The following ZDHHC3 variants were observed in gnomAD, a reference collection of about 807,000 sequenced individuals.
ZDHHC3 encodes the protein zDHHC palmitoyltransferase 3.
In ZDHHC3, 9 loss-of-function variants were observed where a neutral mutation model predicts 30.6. The observed-to-expected ratio is 0.29, with a 90% CI of 0.18 to 0.51. The LOEUF is 0.51. Ranked by LOEUF, ZDHHC3 falls within the 20% of genes least tolerant of loss-of-function variation. The probability of loss-of-function intolerance (pLI) is 0.97; values close to 1 mark genes in which losing one functional copy is unlikely to be tolerated. For synonymous variants in ZDHHC3, 136 were observed against 140.2 expected (o/e 0.97, Z 0.21); for missense variants, 246 against 384.2 (o/e 0.64, Z 3.01).
At chr3:44,929,574 C>G in intron 5 of ZDHHC3, 138 bp from the exon 6 acceptor site, 1 of 1,188,452 alleles carries the variant, frequency 8.4e-7, no homozygotes, top group East Asian at 2.6e-5. Flanking sequence ...CTCTGGCCTC[C>G]AGGCTACGGT....
At chr3:44,948,218 G>A (rs992161164) in intron 2 of ZDHHC3, among the ~76,000 whole-genome samples, 7 of 152,164 alleles carry the variant, frequency 4.6e-5, no homozygotes, top group African/African-American at 1.7e-4. Flanking sequence ...GAGCACCCTG[G>A]TCTCCCCAGA....
rs867823746 is a variant in ZDHHC3, at chr3:44,976,144, C to T, written c.-236G>A. The T allele has an allele frequency of 2.9e-6, 2 of 685,342 alleles. No homozygotes were observed. The highest frequency in any genetic ancestry group is 4.2e-6 in the Non-Finnish European group (2 of 472,654). 42.5% of individuals were successfully genotyped at this position (685,342 alleles called of 1,614,324 possible). ...GAGCTCTCCCGGCAGTGGCGGCGGC[C>T]GCGGCTGCAGGAGCGGCCGCCGCGC... On this transcript the variant is annotated 5_prime_UTR_variant, in exon 1 of 7. Coordinates refer to ENST00000424952, the MANE Select transcript of ZDHHC3 (RefSeq NM_001135179.2).
rs1700869511 is a variant in ZDHHC3 at position 44,924,987 on chromosome 3, C to G, written c.*1702G>C. 2 of 985,348 alleles carry G rather than the reference C, an allele frequency of 2.0e-6. No individual in the cohort carries two copies. The highest frequency in any genetic ancestry group is 6.2e-5 in the Admixed American group (1 of 16,240). The allele number at this position is 985,348 out of a possible 1,614,324, so 61.0% of individuals were successfully genotyped here. A position where few individuals can be genotyped will look rare whatever the true frequency, so the allele number is the denominator to read the frequency against. ...GGCTGCAGAAAGCAAAGGAAAGAGG[C>G]CTGGTGGGGCAAGCTGGTTCAAGAG... On this transcript the variant is annotated 3_prime_UTR_variant, in exon 7 of 7. Transcript: ENST00000424952.
intron 3 of ZDHHC3, among the ~76,000 whole-genome samples, chr3:44,936,846 G>A (rs1473420227): frequency 1.3e-5 from 2 of 151,372 alleles, no homozygotes; most frequent in Non-Finnish European, 2.9e-5. Flanking sequence ...ACCTTCACAT[G>A]TACCCCCGAA....
intron 2 of ZDHHC3, among the ~76,000 whole-genome samples, chr3:44,954,876 G>A (rs182006643): frequency 1.3e-4 from 20 of 152,256 alleles, no homozygotes; most frequent in Admixed American, 1.2e-3. Context: ...GAAAAGAAAA[G>A]GTGGTGAAAC....
chr3:44,940,592 T>C (rs1397503338), intron 3 of ZDHHC3, among the ~76,000 whole-genome samples: 1 of 152,188 alleles, frequency 6.6e-6, no homozygotes, highest in Non-Finnish European at 1.5e-5. Flanking sequence ...CCAAATGCCC[T>C]AAATGGAGGT....
At chr3:44,969,642 G>C (rs1388521785) in intron 1 of ZDHHC3, 1 of 152,240 alleles carries the variant, frequency 6.6e-6, no homozygotes, top group Admixed American at 6.5e-5. Flanking sequence ...TGGTTATGCA[G>C]AGGTGGCATT....
In ZDHHC3 at chr3:44,923,025, C is replaced by T. The variant is rs1700714454; in HGVS notation, c.*3664G>A. 1.0e-6 allele frequency: 1 copy of T among 984,994 alleles called. No individual in the cohort carries two copies. The highest frequency in any genetic ancestry group is 1.2e-6 in the Non-Finnish European group (1 of 829,902). The allele number at this position is 984,994 out of a possible 1,614,324, so 61.0% of individuals were successfully genotyped here. A position where few individuals can be genotyped will look rare whatever the true frequency, so the allele number is the denominator to read the frequency against. On this transcript the variant is annotated 3_prime_UTR_variant, in exon 7 of 7. Transcript: ENST00000424952. ...CTGGCTGAGAAAGCCCATCCCAGCCCACCCGGAGAGGAGTTTCTGTGTAAT... is the reference window on the plus strand; with the variant it reads ...CTGGCTGAGAAAGCCCATCCCAGCCTACCCGGAGAGGAGTTTCTGTGTAAT...
In ZDHHC3 at chr3:44,918,144, C is replaced by T. The variant is rs2125772692; in HGVS notation, c.*8545G>A. 1 of 1,303,546 alleles carries T rather than the reference C, an allele frequency of 7.7e-7. No homozygotes were observed. Among genetic ancestry groups the T allele is most frequent in the South Asian group, 1.2e-5 (1 of 80,998 alleles). 80.7% of individuals were successfully genotyped at this position (1,303,546 alleles called of 1,614,324 possible). A position where few individuals can be genotyped will look rare whatever the true frequency, so the allele number is the denominator to read the frequency against. ...TCTTTCGTTTGAGGCGCTCGATGCCCTGCAGGGAGAAGGGGATGAAGAACA... is the reference window on the plus strand; with the variant it reads ...TCTTTCGTTTGAGGCGCTCGATGCCTTGCAGGGAGAAGGGGATGAAGAACA... On this transcript the variant is annotated 3_prime_UTR_variant, in exon 7 of 7. Coordinates refer to ENST00000424952, the MANE Select transcript of ZDHHC3 (RefSeq NM_001135179.2).
In ZDHHC3 at chr3:44,925,286, G is replaced by A. The variant is rs1200067521; in HGVS notation, c.*1403C>T. The A allele has an allele frequency of 7.4e-5, 73 of 985,656 alleles. No individual in the cohort carries two copies. Among genetic ancestry groups the A allele is most frequent in the East Asian group, 2.3e-4 (2 of 8,826 alleles). The allele number at this position is 985,656 out of a possible 1,614,324, so 61.1% of individuals were successfully genotyped here. A position where few individuals can be genotyped will look rare whatever the true frequency, so the allele number is the denominator to read the frequency against. On this transcript the variant is annotated 3_prime_UTR_variant, in exon 7 of 7. Coordinates refer to ENST00000424952, the MANE Select transcript of ZDHHC3 (RefSeq NM_001135179.2). The stretch of plus-strand genomic sequence containing the variant: ...AAATCACATGGCTAGATTAACTTTC[G>A]CCCTACCCAGGACAGGATTGAATAA...
intron 3 of ZDHHC3, among the ~76,000 whole-genome samples, chr3:44,941,929 T>G (rs998243107): frequency 1.3e-5 from 2 of 152,214 alleles, no homozygotes; most frequent in Non-Finnish European, 2.9e-5. Flanking sequence ...TTAGCATAAA[T>G]GGCTCCTCCC....
Position 44,938,888 on chromosome 3 carries a change from G to A in ZDHHC3, c.432-4904C>T, listed in dbSNP as rs368591164. 5.9e-5 allele frequency among the ~76,000 whole-genome samples: 9 copies of A among 152,196 alleles called. 1 individual carries two copies. In the East Asian group the frequency reaches 1.2e-3, roughly 20 times the overall value. ...GAAGATGTGTGCTTTTCAAAGCCTC[G>A]CATGAACTTTGGTGGCAATGCAGAC... On this transcript the variant is annotated intron_variant, in intron 3 of 6. Coordinates refer to ENST00000424952, the MANE Select transcript of ZDHHC3 (RefSeq NM_001135179.2).
chr3:44,941,844 T>C (rs1702468193), intron 3 of ZDHHC3, among the ~76,000 whole-genome samples: 1 of 152,084 alleles, frequency 6.6e-6, no homozygotes, highest in Non-Finnish European at 1.5e-5. Flanking sequence ...CAAAGCCATC[T>C]TGGGCTGCAA....
chr3:44,968,561 T>C (rs560805477), intron 1 of ZDHHC3, among the ~76,000 whole-genome samples: 1 of 151,444 alleles, frequency 6.6e-6, no homozygotes, highest in East Asian at 1.9e-4. Context: ...CCGAGCATGG[T>C]AGTGTGTGCT....
intron 1 of ZDHHC3, among the ~76,000 whole-genome samples, chr3:44,974,552 C>T (rs1434973312): frequency 6.6e-6 from 1 of 152,120 alleles, no homozygotes; most frequent in Non-Finnish European, 1.5e-5. Context: ...AAAACCCAGC[C>T]GTCCAACCAC....
rs1700947622 is a variant in ZDHHC3, at chr3:44,925,929, T to C, written c.*760A>G. ...TTGCCTGAAATTGTGTAATTTTTTT[T>C]CCTCTTGATTGTATAAGGCATTTTG... On this transcript the variant is annotated 3_prime_UTR_variant, in exon 7 of 7. Transcript: ENST00000424952. 3.0e-6 allele frequency: 3 copies of C among 985,720 alleles called. No homozygotes were observed. Among genetic ancestry groups the C allele is most frequent in the East Asian group, 1.1e-4 (1 of 8,824 alleles). 61.1% of individuals were successfully genotyped at this position (985,720 alleles called of 1,614,324 possible). A position where few individuals can be genotyped will look rare whatever the true frequency, so the allele number is the denominator to read the frequency against.
intron 1 of ZDHHC3, among the ~76,000 whole-genome samples, chr3:44,971,956 G>A (rs1339573621): frequency 6.6e-6 from 1 of 152,046 alleles, no homozygotes; most frequent in Non-Finnish European, 1.5e-5. Context: ...AAACTCCGGG[G>A]CTTAAGGGAT....
rs1261173846 is a variant in ZDHHC3, at chr3:44,918,093, G to C, written c.*8596C>G. On this transcript the variant is annotated 3_prime_UTR_variant, in exon 7 of 7. Transcript: ENST00000424952. ...CAAAGGTCTCCTTTACTGACTGCCAGCTCCCCATGTGCTCCCTGGGCTGGT... is the reference window on the plus strand; with the variant it reads ...CAAAGGTCTCCTTTACTGACTGCCACCTCCCCATGTGCTCCCTGGGCTGGT... The C allele has an allele frequency of 7.7e-7, 1 of 1,305,434 alleles. No homozygotes were observed. Among genetic ancestry groups the C allele is most frequent in the African/African-American group, 1.5e-5 (1 of 65,984 alleles). The allele number at this position is 1,305,434 out of a possible 1,614,324, so 80.9% of individuals were successfully genotyped here. A position where few individuals can be genotyped will look rare whatever the true frequency, so the allele number is the denominator to read the frequency against.
chr3:44,958,145 C>T (rs996047226), intron 2 of ZDHHC3, among the ~76,000 whole-genome samples: 7 of 152,126 alleles, frequency 4.6e-5, no homozygotes, highest in Non-Finnish European at 5.9e-5. Context: ...CTGAGGCATG[C>T]GCAGGAACAG....
Sources: allele counts gnomAD v4.1 joint callset (sites outside exome capture counted in the v4.1 genomes callset), GRCh38; gene constraint gnomAD v4.1.1; transcripts MANE v1.5; gene names NCBI Gene and HGNC (gene_info 2026-07-23, HGNC 2026-07-21).